Variants in VPS37C observed in about 807,000 individuals in gnomAD.
VPS37C encodes the protein VPS37C subunit of ESCRT-I.
VPS37C carries 9 observed loss-of-function variants against 16.1 expected under a neutral mutation model. That is an observed-to-expected ratio of 0.56 (90% CI 0.34 to 0.97). VPS37C has a LOEUF of 0.97. VPS37C is among the 50% of genes least tolerant of loss of function. The pLI, the probability that VPS37C is intolerant of heterozygous loss-of-function variation, is 0.02. For missense variants in VPS37C, 479 were observed against 472.7 expected (o/e 1.01, Z -0.12); for synonymous variants, 207 against 206.4 (o/e 1.00, Z -0.02).
chr11:61,139,185 C>T (rs537778548), intron 1 of VPS37C, among the ~76,000 whole-genome samples: 5 of 152,314 alleles, frequency 3.3e-5, no homozygotes, highest in South Asian at 4.1e-4. Context: ...GGGATGGAGA[C>T]TAAGTTTGGC....
chr11:61,140,337 T>C (rs1861453924), intron 1 of VPS37C, among the ~76,000 whole-genome samples: 2 of 152,166 alleles, frequency 1.3e-5, no homozygotes, highest in Non-Finnish European at 2.9e-5. Context: ...CGACCACATG[T>C]TCCCATGTAC....
intron 1 of VPS37C, among the ~76,000 whole-genome samples, chr11:61,158,772 G>A (rs182982858): frequency 2.0e-5 from 3 of 152,320 alleles, no homozygotes; most frequent in African/African-American, 7.2e-5. Flanking sequence ...GCTAAATCAA[G>A]ACAAACCTGT....
intron 2 of VPS37C, chr11:61,138,455 G>A (rs1207689266): frequency 2.5e-6 from 1 of 407,374 alleles, no homozygotes; most frequent in African/African-American, 2.0e-5. Context: ...GTGCTTTGAG[G>A]AGCTGCCTCC....
rs577385913 is a variant in VPS37C at position 61,133,124 on chromosome 11, C to T, written c.348+131G>A. 7.0e-6 allele frequency: 7 copies of T among 998,866 alleles called. No homozygotes were observed. The South Asian group carries it at 9.6e-5, about 14-fold the overall frequency. The allele number at this position is 998,866 out of a possible 1,614,324, so 61.9% of individuals were successfully genotyped here. ...AAGGCCTCCCCAGGACTAAAGATGT[C>T]CTTCACCTCTGCCATCTACGAAAGC... On this transcript the variant is annotated intron_variant, in intron 4 of 4. Coordinates refer to ENST00000301765, the MANE Select transcript of VPS37C (RefSeq NM_017966.5).
At chr11:61,137,931 TG>T (rs1861408533) in intron 2 of VPS37C, among the ~76,000 whole-genome samples, 2 of 152,106 alleles carry the variant, frequency 1.3e-5, no homozygotes, top group Non-Finnish European at 2.9e-5. Flanking sequence ...AGACACTGGA[TG>T]GGGGAACGTC....
At chr11:61,160,515 G>A (rs750103543) in intron 1 of VPS37C, among the ~76,000 whole-genome samples, 12 of 152,218 alleles carry the variant, frequency 7.9e-5, no homozygotes, top group Admixed American at 1.3e-4. Context: ...TAGGCAGCAA[G>A]AGAACTGAGG....
chr11:61,160,047 A>G (rs1054130764), intron 1 of VPS37C, among the ~76,000 whole-genome samples: 23 of 152,126 alleles, frequency 1.5e-4, no homozygotes, highest in African/African-American at 4.8e-4. Context: ...AAAATTCGGT[A>G]TGTTCAGAAA....
chr11:61,155,367 T>C (rs2134657228), intron 1 of VPS37C, among the ~76,000 whole-genome samples: 2 of 149,226 alleles, frequency 1.3e-5, no homozygotes, highest in East Asian at 2.1e-4. Context: ...GGCATGGTGA[T>C]ACACACCTGT....
At chr11:61,152,076 C>G (rs1853305969) in intron 1 of VPS37C, among the ~76,000 whole-genome samples, 1 of 152,200 alleles carries the variant, frequency 6.6e-6, no homozygotes, top group Admixed American at 6.5e-5. Flanking sequence ...GTGGATTTAA[C>G]TGTCCCTTTA....
At chr11:61,139,880 C>T (rs904919338) in intron 1 of VPS37C, among the ~76,000 whole-genome samples, 1 of 151,800 alleles carries the variant, frequency 6.6e-6, no homozygotes, top group African/African-American at 2.4e-5. Context: ...ATAGCTGGCA[C>T]TATAGGTGTG....
chr11:61,132,122 C>G lies in VPS37C; in HGVS notation c.766G>C (p.Ala256Pro). 2 of 1,436,202 alleles carry G rather than the reference C, an allele frequency of 1.4e-6. No individual in the cohort carries two copies. The highest frequency in any genetic ancestry group is 1.8e-6 in the Non-Finnish European group (2 of 1,090,820). 89.0% of individuals were successfully genotyped at this position (1,436,202 alleles called of 1,614,324 possible). A position where few individuals can be genotyped will look rare whatever the true frequency, so the allele number is the denominator to read the frequency against. ...PAAQLGPRGA[A>P]GYSWSPQRSM... ...CTCTGTGGGGACCAGGAGTAACCCG[C>G]AGCACCCCTGGGTCCAAGCTGGGCT... The change falls in exon 5 of 5, where the codon GCG (alanine) becomes CCG (proline). Residue 256 changes from alanine (A) to proline (P), a missense_variant. By Grantham distance (27) the Ala-to-Pro change is conservative. Coordinates refer to ENST00000301765, the MANE Select transcript of VPS37C (RefSeq NM_017966.5).
intron 4 of VPS37C, 22 bp downstream of exon 4, chr11:61,133,233 G>A: frequency 1.9e-6 from 3 of 1,613,314 alleles, no homozygotes; most frequent in Non-Finnish European, 2.5e-6. Context: ...CAGGGAAGAG[G>A]GGTGTCGCCT....
At position 61,145,896 on chromosome 11, in the gene VPS37C, A is replaced by G. The variant is rs373036590; in HGVS notation, c.-6-7061T>C. ...CCTCAGTACCAGAGCCCTGGCCCAG[A>G]GCCCCTCCCCCTGCCAAGATGCCCG... On this transcript the variant is annotated intron_variant, in intron 1 of 4. Transcript: ENST00000301765. Among the ~76,000 whole-genome samples, 215 of 152,294 alleles carry G rather than the reference A, an allele frequency of 1.4e-3. 1 individual carries two copies. Among genetic ancestry groups the G allele is most frequent in the Middle Eastern group, 0.01 (3 of 294 alleles).
chr11:61,145,964 G>A (rs570027413), intron 1 of VPS37C, among the ~76,000 whole-genome samples: 2 of 152,192 alleles, frequency 1.3e-5, no homozygotes, highest in South Asian at 2.1e-4. Context: ...GGTTTGCTGC[G>A]CACGAGTAGG....
intron 1 of VPS37C, among the ~76,000 whole-genome samples, chr11:61,159,730 ATAAATAAAT>A (rs1853436526): frequency 2.7e-5 from 2 of 73,320 alleles, no homozygotes; most frequent in Admixed American, 1.6e-4. Flanking sequence ...AAATAAATAA[ATAAATAAAT>A]AAAAAATACA....
At chr11:61,153,314 G>C (rs912889349) in intron 1 of VPS37C, among the ~76,000 whole-genome samples, 1 of 152,204 alleles carries the variant, frequency 6.6e-6, no homozygotes, top group African/African-American at 2.4e-5. Flanking sequence ...CTCACCTGCC[G>C]CCATTAAGAC....
chr11:61,137,470 C>T (rs1434897247), intron 2 of VPS37C, among the ~76,000 whole-genome samples: 1 of 152,222 alleles, frequency 6.6e-6, no homozygotes, highest in East Asian at 1.9e-4. Context: ...TGCTTTGTCA[C>T]GATTCTGTCA....
chr11:61,159,744 A>T (rs1416425209), intron 1 of VPS37C, among the ~76,000 whole-genome samples: 3 of 150,296 alleles, frequency 2.0e-5, no homozygotes, highest in East Asian at 1.9e-4. Context: ...ATAAATAAAA[A>T]ATACAAAAAT....
chr11:61,154,653 A>G (rs772708528), intron 1 of VPS37C, among the ~76,000 whole-genome samples: 4 of 152,222 alleles, frequency 2.6e-5, no homozygotes, highest in African/African-American at 4.8e-5. Flanking sequence ...AGGGAATAAA[A>G]AAAATATTTG....
Sources: gnomAD v4.1 joint callset for allele counts (sites outside exome capture counted in the v4.1 genomes callset) on GRCh38, gnomAD v4.1.1 for gene constraint, MANE v1.5 for transcripts, NCBI Gene and HGNC (gene_info 2026-07-23, HGNC 2026-07-21) for gene names.